The following CTNNA3 variants were observed in gnomAD, a reference collection of about 807,000 sequenced individuals.
CTNNA3 encodes catenin alpha 3.
A neutral mutation model predicts 95.7 loss-of-function variants in CTNNA3; 76 were observed. The ratio of observed to expected loss-of-function variants is 0.79; its 90% confidence interval spans 0.66 to 0.96. The LOEUF (loss-of-function observed/expected upper bound fraction) is 0.96. Among genes scored for constraint, CTNNA3 ranks in the 40% least tolerant of loss-of-function variants. The pLI is 0.00. For synonymous variants in CTNNA3, 431 were observed against 374.4 expected, an observed-to-expected ratio of 1.15 and a Z score of -1.74; for missense variants, 1,191 against 1,089.8, an observed-to-expected ratio of 1.09 and a Z score of -1.31.
intron 12 of CTNNA3, among the ~76,000 whole-genome samples, chr10:66,301,714 T>C (rs1333481983): frequency 1.3e-5 from 2 of 151,938 alleles, no homozygotes; most frequent in African/African-American, 4.8e-5. Context: ...AGAAGGGACC[T>C]TTCTCAACTT....
intron 15 of CTNNA3, among the ~76,000 whole-genome samples, chr10:66,064,297 T>C (rs926706662): frequency 2.6e-5 from 4 of 152,158 alleles, no homozygotes; most frequent in African/African-American, 4.8e-5. Flanking sequence ...CCTTGACATG[T>C]GGGAATTATG....
chr10:66,853,447 T>C (rs1164739073), intron 7 of CTNNA3, among the ~76,000 whole-genome samples: 1 of 152,158 alleles, frequency 6.6e-6, no homozygotes, highest in African/African-American at 2.4e-5. Flanking sequence ...TCCCAGAACA[T>C]GCAAGCACAT....
intron 13 of CTNNA3, among the ~76,000 whole-genome samples, chr10:66,107,176 T>C (rs1268449908): frequency 6.6e-6 from 1 of 152,146 alleles, no homozygotes; most frequent in African/African-American, 2.4e-5. Context: ...AGAGAGCCCA[T>C]TTTTTCAGAA....
At chr10:66,206,040 GT>G (rs1282211425) in intron 13 of CTNNA3, among the ~76,000 whole-genome samples, 2 of 151,842 alleles carry the variant, frequency 1.3e-5, no homozygotes, top group East Asian at 3.9e-4. Context: ...CAAAAATTTA[GT>G]GGATATACTC....
chr10:66,645,757 T>C (rs1425946499), intron 9 of CTNNA3, among the ~76,000 whole-genome samples: 1 of 152,150 alleles, frequency 6.6e-6, no homozygotes, highest in Non-Finnish European at 1.5e-5. Context: ...GCACGTCCTT[T>C]ATGAGAATCT....
intron 17 of CTNNA3, among the ~76,000 whole-genome samples, chr10:65,946,046 G>A (rs777049657): frequency 6.6e-6 from 1 of 152,088 alleles, no homozygotes; most frequent in African/African-American, 2.4e-5. Context: ...TTAGAATGAG[G>A]GAACTGGGTT....
intron 11 of CTNNA3, among the ~76,000 whole-genome samples, chr10:66,481,890 C>G (rs1333156974): frequency 6.6e-6 from 1 of 151,850 alleles, no homozygotes; most frequent in Admixed American, 6.6e-5. Context: ...TTAAACAGCA[C>G]AGCAACACAG....
At chr10:65,944,765 G>T (rs373188952) in intron 17 of CTNNA3, among the ~76,000 whole-genome samples, 1 of 152,138 alleles carries the variant, frequency 6.6e-6, no homozygotes, top group Non-Finnish European at 1.5e-5. Context: ...CAAAGGGGAG[G>T]CTTGTTTCAT....
intron 13 of CTNNA3, among the ~76,000 whole-genome samples, chr10:66,268,351 T>C (rs950451936): frequency 3.9e-5 from 6 of 152,052 alleles, no homozygotes; most frequent in African/African-American, 1.4e-4. Context: ...CAAAAGGCAA[T>C]ATGGCGTGTG....
intron 13 of CTNNA3, among the ~76,000 whole-genome samples, chr10:66,123,648 A>G (rs1467461824): frequency 6.6e-6 from 1 of 152,082 alleles, no homozygotes; most frequent in Non-Finnish European, 1.5e-5. Context: ...CCCTGCAATA[A>G]ATTTCTGCCT....
chr10:66,583,455 C>G (rs1843260240), intron 10 of CTNNA3, among the ~76,000 whole-genome samples: 1 of 151,716 alleles, frequency 6.6e-6, no homozygotes, highest in Non-Finnish European at 1.5e-5. Context: ...TCTAAATTTT[C>G]TAGTTTGTGT....
At chr10:66,507,532 C>A (rs900701768) in intron 11 of CTNNA3, among the ~76,000 whole-genome samples, 10 of 152,038 alleles carry the variant, frequency 6.6e-5, no homozygotes, top group Non-Finnish European at 1.5e-4. Context: ...CTGTAATAAC[C>A]AGAGTTCTAC....
In CTNNA3 at chr10:66,741,596, G is replaced by A. The variant is rs146854136; in HGVS notation, c.1281+24668C>T. Among the ~76,000 whole-genome samples, 1,113 of 152,250 alleles carry A rather than the reference G, an allele frequency of 7.3e-3. 16 individuals carry two copies. Among genetic ancestry groups the A allele is most frequent in the East Asian group, 7.7e-3 (40 of 5,176 alleles). On this transcript the variant is annotated intron_variant, in intron 9 of 17. Coordinates refer to ENST00000433211, the MANE Select transcript of CTNNA3 (RefSeq NM_013266.4). ...TGCATGGATTCCTCCTCTACAACAG[G>A]TTGGATGAGTGTTTGGCCTTTGCTG...
intron 6 of CTNNA3, among the ~76,000 whole-genome samples, chr10:67,187,178 C>T (rs1862892244): frequency 6.6e-6 from 1 of 152,168 alleles, no homozygotes; most frequent in Non-Finnish European, 1.5e-5. Context: ...CCAAATCTGT[C>T]TACTTCCAGT....
intron 3 of CTNNA3, among the ~76,000 whole-genome samples, chr10:67,573,067 T>A (rs181874002): frequency 9.9e-5 from 15 of 152,276 alleles, no homozygotes; most frequent in Non-Finnish European, 2.2e-4. Context: ...CCAGTCTGGG[T>A]GACAGAGTGA....
At chr10:67,394,464 A>C (rs1260950132) in intron 5 of CTNNA3, among the ~76,000 whole-genome samples, 2 of 152,114 alleles carry the variant, frequency 1.3e-5, no homozygotes, top group Non-Finnish European at 2.9e-5. Flanking sequence ...ACCCCTTAAG[A>C]ATCTTAGCAC....
intron 7 of CTNNA3, among the ~76,000 whole-genome samples, chr10:66,860,058 C>A (rs1843852885): frequency 7.2e-6 from 1 of 138,752 alleles, no homozygotes; most frequent in Non-Finnish European, 1.6e-5. Flanking sequence ...GGAGATATAC[C>A]TAATGCTAAA....
intron 2 of CTNNA3, among the ~76,000 whole-genome samples, chr10:67,613,828 T>C (rs1398808400): frequency 6.6e-6 from 1 of 152,198 alleles, no homozygotes; most frequent in African/African-American, 2.4e-5. Flanking sequence ...ACCCATTTTA[T>C]GGAAGACAAC....
chr10:66,542,143 C>T (rs555021481), intron 10 of CTNNA3, among the ~76,000 whole-genome samples: 2 of 152,254 alleles, frequency 1.3e-5, no homozygotes, highest in Non-Finnish European at 2.9e-5. Context: ...AAAAAATGCT[C>T]ATCATCACTG....
Sources: allele counts gnomAD v4.1 joint callset (sites outside exome capture counted in the v4.1 genomes callset), GRCh38; gene constraint gnomAD v4.1.1; transcripts MANE v1.5; gene names NCBI Gene and HGNC (gene_info 2026-07-23, HGNC 2026-07-21).